RSPH9: variants seen among roughly 807,000 people sequenced by gnomAD.
The protein encoded by RSPH9 is radial spoke head component 9, also known as radial spoke head protein 9 homolog.
A neutral mutation model predicts 27.0 loss-of-function variants in RSPH9; 27 were observed. The observed-to-expected ratio is 1.00, with a 90% CI of 0.74 to 1.38. The LOEUF (loss-of-function observed/expected upper bound fraction) is 1.38. Among genes scored for constraint, RSPH9 ranks in the 40% most tolerant of loss-of-function variants. RSPH9 has a pLI of 0.00. For synonymous variants in RSPH9, 145 were observed against 147.7 expected, an observed-to-expected ratio of 0.98 and a Z score of 0.13; for missense variants, 347 against 357.4, an observed-to-expected ratio of 0.97 and a Z score of 0.24.
intron 4 of RSPH9, among the ~76,000 whole-genome samples, chr6:43,661,252 T>G (rs1387829325): frequency 1.3e-5 from 2 of 152,136 alleles, no homozygotes; most frequent in Non-Finnish European, 1.5e-5. Flanking sequence ...TCCAAAATGG[T>G]AAATAAGCAT....
chr6:43,665,126 T>A (rs1773017237), intron 4 of RSPH9, among the ~76,000 whole-genome samples: 1 of 152,202 alleles, frequency 6.6e-6, no homozygotes, highest in African/African-American at 2.4e-5. Flanking sequence ...CCGTGGAGCC[T>A]CATCCACTGT....
At position 43,646,664 on chromosome 6, in the gene RSPH9, C is replaced by CAAA. The variant is rs751591133; in HGVS notation, c.227+1353_227+1355dup. 1.4e-3 allele frequency among the ~76,000 whole-genome samples: 101 copies of CAAA among 71,556 alleles called. 1 individual carries two copies. Among genetic ancestry groups the CAAA allele is most frequent in the African/African-American group, 4.1e-3 (94 of 22,780 alleles). The allele number at this position is 71,556 out of a possible 152,430, so 46.9% of individuals were successfully genotyped here. The stretch of plus-strand genomic sequence containing the variant: ...GCAATATAGCAAGACCTCATCACTA[C>CAAA]AAAAAAAAAAAAAAAAGGCAGGGTG... On this transcript the variant is annotated intron_variant, in intron 1 of 4. Coordinates refer to ENST00000372163, the MANE Select transcript of RSPH9 (RefSeq NM_152732.5).
At chr6:43,646,348 A>G (rs1006016055) in intron 1 of RSPH9, among the ~76,000 whole-genome samples, 2 of 150,856 alleles carry the variant, frequency 1.3e-5, no homozygotes, top group African/African-American at 4.9e-5. Context: ...GTTAGCTAGG[A>G]TGGTCTCGAT....
chr6:43,647,910 A>G (rs553653510), intron 1 of RSPH9, among the ~76,000 whole-genome samples: 214 of 152,338 alleles, frequency 1.4e-3, no homozygotes, highest in Non-Finnish European at 2.2e-3. Flanking sequence ...GGAACGGAAG[A>G]TAGACAACAG....
rs1048407370 is a variant in RSPH9 at position 43,671,084 on chromosome 6, T to C, written c.*135T>C. The C allele has an allele frequency of 9.1e-7, 1 of 1,097,670 alleles. No individual in the cohort carries two copies. Among genetic ancestry groups the C allele is most frequent in the Non-Finnish European group, 1.3e-6 (1 of 745,436 alleles). 68.0% of individuals were successfully genotyped at this position (1,097,670 alleles called of 1,614,324 possible). Reference sequence around the variant, plus strand: ...TGGTTCCAGATTCTGAAAGGCCCACTGAGCCAGGGAGCTCATTTCTAAACC... The same window carrying C: ...TGGTTCCAGATTCTGAAAGGCCCACCGAGCCAGGGAGCTCATTTCTAAACC... On this transcript the variant is annotated 3_prime_UTR_variant, in exon 5 of 5. Coordinates refer to ENST00000372163, the MANE Select transcript of RSPH9 (RefSeq NM_152732.5).
rs1773669258 is a variant in RSPH9 at position 43,670,982 on chromosome 6, G to A, written c.*33G>A. On this transcript the variant is annotated 3_prime_UTR_variant, in exon 5 of 5. Coordinates refer to ENST00000372163, the MANE Select transcript of RSPH9 (RefSeq NM_152732.5). ...GCCAGCCTGGATGTTTTTAAACAGA[G>A]TCTAAACATGATTTTCTTAAGCTTC... is the stretch of plus-strand genomic sequence containing the variant. 3 of 1,613,626 alleles carry A rather than the reference G, an allele frequency of 1.9e-6. No homozygotes were observed. Among genetic ancestry groups the A allele is most frequent in the South Asian group, 1.1e-5 (1 of 90,988 alleles).
At position 43,655,617 on chromosome 6, in the gene RSPH9, C is replaced by T. The variant is rs1256083922; in HGVS notation, c.449C>T (p.Ala150Val). 6.2e-7 allele frequency: 1 copy of T among 1,614,204 alleles called. No homozygotes were observed. Among genetic ancestry groups the T allele is most frequent in the Non-Finnish European group, 8.5e-7 (1 of 1,180,024 alleles). ...LVSVIDQIDKAVAIIPRGALF... is the reference protein window; with the variant it reads ...LVSVIDQIDKVVAIIPRGALF... ...TCTGTCATTGACCAGATTGACAAGG[C>T]TGTGGCCATCATCCCCCGAGGCGCC... is the stretch of plus-strand genomic sequence containing the variant. The change falls in exon 3 of 5, where the codon GCT becomes GTT. Residue 150 changes from alanine to valine, a missense_variant. Physicochemically the swap from Ala to Val is moderately conservative, Grantham distance 64. Coordinates refer to ENST00000372163, the MANE Select transcript of RSPH9 (RefSeq NM_152732.5).
At position 43,672,245 on chromosome 6, in the gene RSPH9, T is replaced by C. The variant is rs1773758193; in HGVS notation, c.*1296T>C. ...AAGAGCAGATCATTCCTCTCTGGCC[T>C]CAGCCATGGGGCGAGAAGAGCTGAT... On this transcript the variant is annotated 3_prime_UTR_variant, in exon 5 of 5. Coordinates refer to ENST00000372163, the MANE Select transcript of RSPH9 (RefSeq NM_152732.5). The C allele has an allele frequency of 4.6e-6, 2 of 433,998 alleles. No individual in the cohort carries two copies. Among genetic ancestry groups the C allele is most frequent in the East Asian group, 1.1e-4 (2 of 17,910 alleles). 26.9% of individuals were successfully genotyped at this position (433,998 alleles called of 1,614,324 possible).
chr6:43,668,336 G>A (rs930461511), intron 4 of RSPH9, among the ~76,000 whole-genome samples: 2 of 152,166 alleles, frequency 1.3e-5, no homozygotes, highest in African/African-American at 4.8e-5. Context: ...AGCCAGGGAC[G>A]ATGAGAGGAC....
chr6:43,659,451 C>T (rs954229209), intron 4 of RSPH9, among the ~76,000 whole-genome samples: 11 of 150,610 alleles, frequency 7.3e-5, no homozygotes, highest in Non-Finnish European at 1.0e-4. Context: ...GGTGCGATCT[C>T]GGCTCACTGC....
At chr6:43,666,943 CAT>C (rs1773199398) in intron 4 of RSPH9, among the ~76,000 whole-genome samples, 1 of 152,156 alleles carries the variant, frequency 6.6e-6, no homozygotes, top group South Asian at 2.1e-4. Flanking sequence ...GAGGTTTCAC[CAT>C]GTTGCCCAGG....
chr6:43,672,255 G>A lies in RSPH9; in HGVS notation c.*1306G>A. 6.9e-6 allele frequency: 3 copies of A among 434,814 alleles called. No homozygotes were observed. The highest frequency in any genetic ancestry group is 5.6e-5 in the South Asian group (3 of 53,734). 26.9% of individuals were successfully genotyped at this position (434,814 alleles called of 1,614,324 possible). ...CATTCCTCTCTGGCCTCAGCCATGG[G>A]GCGAGAAGAGCTGATGTAAGGCTCT... On this transcript the variant is annotated 3_prime_UTR_variant, in exon 5 of 5. Transcript: ENST00000372163.
chr6:43,657,565 A>T (rs1772156900), intron 4 of RSPH9, among the ~76,000 whole-genome samples: 3 of 152,224 alleles, frequency 2.0e-5, no homozygotes. Context: ...AGTTTAAATG[A>T]CAATAGGAAC....
intron 1 of RSPH9, 149 bp downstream of exon 1, chr6:43,645,474 TG>T: frequency 4.4e-6 from 2 of 457,972 alleles, no homozygotes; most frequent in Non-Finnish European, 7.1e-6. Context: ...GGGGAGACCC[TG>T]GGGGGCGGGC....
Position 43,645,339 on chromosome 6 carries a change from C to G in RSPH9, c.227+14C>G. ...GACGCTCTATAGGTGAGGAGGCCCC[C>G]GGGACGGGCTCCCCAGAGGGTGGCT... On this transcript the variant is annotated intron_variant, in intron 1 of 4. Transcript: ENST00000372163. 3 of 1,014,394 alleles carry G rather than the reference C, an allele frequency of 3.0e-6. No individual in the cohort carries two copies. The highest frequency in any genetic ancestry group is 3.7e-6 in the Non-Finnish European group (3 of 818,494). The allele number at this position is 1,014,394 out of a possible 1,614,324, so 62.8% of individuals were successfully genotyped here.
At chr6:43,653,743 A>G (rs1247297891) in intron 2 of RSPH9, among the ~76,000 whole-genome samples, 3 of 151,994 alleles carry the variant, frequency 2.0e-5, no homozygotes, top group Non-Finnish European at 4.4e-5. Flanking sequence ...CCCAGGCCAG[A>G]GTGCAATGGC....
At chr6:43,666,276 G>T (rs539598171) in intron 4 of RSPH9, 2 of 641,220 alleles carry the variant, frequency 3.1e-6, no homozygotes, top group East Asian at 2.8e-5. Flanking sequence ...CTGCTTGGAG[G>T]CTCCCCTGCC....
rs551113626 is a variant in RSPH9, at chr6:43,650,553, G to A, written c.393+13G>A. On this transcript the variant is annotated intron_variant, in intron 2 of 4. Transcript: ENST00000372163. ...AGAAGAAATAGTGGTGAGTGAAGAG[G>A]AGAGCAGGAGGAGGGCCTAAAAGAG... 4 of 1,613,880 alleles carry A rather than the reference G, an allele frequency of 2.5e-6. No individual in the cohort carries two copies. The highest frequency in any genetic ancestry group is 3.4e-6 in the Non-Finnish European group (4 of 1,179,888).
intron 1 of RSPH9, among the ~76,000 whole-genome samples, chr6:43,646,066 T>G (rs1770826148): frequency 6.6e-6 from 1 of 152,134 alleles, no homozygotes; most frequent in Non-Finnish European, 1.5e-5. Flanking sequence ...GCGATTTTCC[T>G]GCCTCAGCCT....
Sources: gnomAD v4.1 joint callset for allele counts (sites outside exome capture counted in the v4.1 genomes callset) on GRCh38, gnomAD v4.1.1 for gene constraint, MANE v1.5 for transcripts, NCBI Gene and HGNC (gene_info 2026-07-23, HGNC 2026-07-21) for gene names.